Variants in SLC26A9 observed in about 807,000 individuals in gnomAD.
The protein encoded by SLC26A9 is anion transporter/exchanger protein 9.
A neutral mutation model predicts 87.1 loss-of-function variants in SLC26A9; 46 were observed. That is an observed-to-expected ratio of 0.53 (90% CI 0.42 to 0.67). The LOEUF is 0.67. Among genes scored for constraint, SLC26A9 ranks in the 30% least tolerant of loss-of-function variants. The probability of loss-of-function intolerance (pLI) is 0.00; values close to 1 mark genes in which losing one functional copy is unlikely to be tolerated. For synonymous variants in SLC26A9, 437 were observed against 409.1 expected (o/e 1.07, Z -0.82); for missense variants, 927 against 1,018.3 (o/e 0.91, Z 1.22).
At chr1:205,923,233 C>A (rs751891057) in intron 15 of SLC26A9, 38 bp from the exon 16 acceptor site, 3 of 1,611,062 alleles carry the variant, frequency 1.9e-6, no homozygotes, top group Non-Finnish European at 8.5e-7. Flanking sequence ...TGACCTCCAC[C>A]CTCTATGGGA....
chr1:205,920,783 C>T (rs778543681), intron 17 of SLC26A9, among the ~76,000 whole-genome samples: 60 of 152,230 alleles, frequency 3.9e-4, no homozygotes, highest in Admixed American at 1.6e-3. Context: ...CAGGAGTGAG[C>T]CACCACGCCC....
intron 13 of SLC26A9, among the ~76,000 whole-genome samples, 180 bp downstream of exon 13, chr1:205,924,203 G>A (rs1197126458): frequency 6.6e-6 from 1 of 152,180 alleles, no homozygotes; most frequent in East Asian, 1.9e-4. Flanking sequence ...AAGTCAAACA[G>A]CCCAGACTGT....
intron 18 of SLC26A9, 107 bp from the exon 19 acceptor site, chr1:205,919,092 C>G: frequency 7.1e-7 from 1 of 1,411,264 alleles, no homozygotes; most frequent in Non-Finnish European, 9.8e-7. Context: ...GGCCTGAGGT[C>G]CCAGCTCTTG....
In SLC26A9 at chr1:205,936,517, G is replaced by A. The variant is rs370415597; in HGVS notation, c.-18-679C>T. Among the ~76,000 whole-genome samples, 11 of 152,124 alleles carry A rather than the reference G, an allele frequency of 7.2e-5. No individual in the cohort carries two copies. In the East Asian group the frequency reaches 9.7e-4, roughly 13 times the overall value. On this transcript the variant is annotated intron_variant, in intron 1 of 20. Coordinates refer to ENST00000367135, the MANE Select transcript of SLC26A9 (RefSeq NM_052934.4). The stretch of plus-strand genomic sequence containing the variant: ...CGCTCCTCTCCTCCTCACTTTTTGC[G>A]CAACCTGGCTGACGTTCCAGGAGCT...
chr1:205,928,766 C>T (rs773046873), intron 8 of SLC26A9, 61 bp downstream of exon 8: 89 of 1,519,752 alleles, frequency 5.9e-5, no homozygotes, highest in Non-Finnish European at 7.9e-5. Flanking sequence ...CCTCTCCGAG[C>T]TCAGGCCTTA....
chr1:205,936,602 C>A (rs185314356), intron 1 of SLC26A9, among the ~76,000 whole-genome samples: 16 of 152,206 alleles, frequency 1.1e-4, no homozygotes, highest in South Asian at 2.1e-4. Flanking sequence ...CTGTAGGAAC[C>A]TTTCCCCCTC....
chr1:205,943,303 G>T (rs938934060), intron 1 of SLC26A9, 62 bp downstream of exon 1: 2 of 152,242 alleles, frequency 1.3e-5, no homozygotes, highest in Non-Finnish European at 2.9e-5. Context: ...TACCCCTGGT[G>T]ACTGCCCTCT....
chr1:205,917,824 TAA>T (rs1658659008), intron 19 of SLC26A9, among the ~76,000 whole-genome samples: 2 of 152,154 alleles, frequency 1.3e-5, no homozygotes, highest in South Asian at 4.1e-4. Flanking sequence ...AAATTATTTA[TAA>T]GTCTATGACT....
intron 2 of SLC26A9, 77 bp downstream of exon 2, chr1:205,935,619 C>T (rs1366737954): frequency 1.3e-6 from 2 of 1,591,648 alleles, no homozygotes; most frequent in African/African-American, 2.7e-5. Flanking sequence ...GATACCAGTG[C>T]AGAAGCCGTG....
intron 5 of SLC26A9, chr1:205,930,282 C>T (rs1659252717): frequency 5.1e-6 from 2 of 393,672 alleles, no homozygotes; most frequent in South Asian, 1.0e-4. Context: ...GTCACATCAC[C>T]TCTCTGGCTT....
At chr1:205,933,572 T>C (rs1353716505) in intron 2 of SLC26A9, among the ~76,000 whole-genome samples, 2 of 152,212 alleles carry the variant, frequency 1.3e-5, no homozygotes, top group East Asian at 3.8e-4. Context: ...AGCTCTCCTG[T>C]TCATCTTTGT....
At position 205,914,720 on chromosome 1, in the gene SLC26A9, G is replaced by A. The variant is rs1658501235; in HGVS notation, c.*637C>T. 1.3e-6 allele frequency: 1 copy of A among 757,722 alleles called. No individual in the cohort carries two copies. The highest frequency in any genetic ancestry group is 2.9e-5 in the Admixed American group (1 of 34,386). The allele number at this position is 757,722 out of a possible 1,614,324, so 46.9% of individuals were successfully genotyped here. A position where few individuals can be genotyped will look rare whatever the true frequency, so the allele number is the denominator to read the frequency against. On this transcript the variant is annotated 3_prime_UTR_variant, in exon 21 of 21. Transcript: ENST00000367135. Reference sequence around the variant, plus strand: ...GTCCAGGCTAGAGTCTGATGTGCTTGCTGACAGCAGTGGTGGTTTGGGCAG... The same window carrying A: ...GTCCAGGCTAGAGTCTGATGTGCTTACTGACAGCAGTGGTGGTTTGGGCAG...
In SLC26A9 at chr1:205,914,638, C is replaced by T. The variant is rs1020278176; in HGVS notation, c.*719G>A. On this transcript the variant is annotated 3_prime_UTR_variant, in exon 21 of 21. Transcript: ENST00000367135. Reference sequence around the variant, plus strand: ...GATGTTTCAGGAGGCTGAGGCAGAACCTTAGTGGGCTGTCCCCGGGGAGGT... The same window carrying T: ...GATGTTTCAGGAGGCTGAGGCAGAATCTTAGTGGGCTGTCCCCGGGGAGGT... 2.6e-4 allele frequency: 119 copies of T among 449,622 alleles called. No individual in the cohort carries two copies. The highest frequency in any genetic ancestry group is 1.9e-4 in the Admixed American group (5 of 25,856). The allele number at this position is 449,622 out of a possible 1,614,324, so 27.9% of individuals were successfully genotyped here.
chr1:205,935,424 C>T (rs555937654), intron 2 of SLC26A9, among the ~76,000 whole-genome samples: 1 of 152,216 alleles, frequency 6.6e-6, no homozygotes, highest in Non-Finnish European at 1.5e-5. Context: ...CCAGAGAGAC[C>T]CGGGTGAATT....
intron 5 of SLC26A9, chr1:205,930,394 T>C (rs1571748297): frequency 5.4e-6 from 1 of 184,872 alleles, no homozygotes; most frequent in Non-Finnish European, 1.1e-5. Flanking sequence ...TTGAGAGTCA[T>C]CCTCCCTTAC....
intron 1 of SLC26A9, among the ~76,000 whole-genome samples, chr1:205,939,276 A>G (rs1257090886): frequency 6.6e-6 from 1 of 152,172 alleles, no homozygotes; most frequent in Non-Finnish European, 1.5e-5. Flanking sequence ...GGGGCTTCAG[A>G]CCTTCCAGGG....
chr1:205,927,938 C>T lies in SLC26A9; in HGVS notation c.1065G>A (p.Leu355=). ...CCACGTCGTAGCCGTGCTTGTTGGC[C>T]AGGGTCCGGCCCATAGCCAGGTTGA... ...YVINLAMGRT[L]ANKHGYDVDS... The change falls in exon 9 of 21, where the codon CTG becomes CTA. Residue 355 remains leucine (L), a synonymous_variant. Coordinates refer to ENST00000367135, the MANE Select transcript of SLC26A9 (RefSeq NM_052934.4). The T allele has an allele frequency of 6.2e-7, 1 of 1,614,162 alleles. No homozygotes were observed. The highest frequency in any genetic ancestry group is 1.1e-5 in the South Asian group (1 of 91,080).
At chr1:205,928,219 A>G (rs1346005289) in intron 8 of SLC26A9, 170 bp from the exon 9 acceptor site, 2 of 767,886 alleles carry the variant, frequency 2.6e-6, no homozygotes. Context: ...GGTAGGGACC[A>G]TCACTCCTGT....
Position 205,920,232 on chromosome 1 carries a change from T to C in SLC26A9, c.2056-2A>G, listed in dbSNP as rs1337611614. ...GATCTTCCCATAGGTGGAGCTCAGC[T>C]AGAAGTGTTGTTGGGGTAGGGAGGC... On this transcript the variant is annotated splice_acceptor_variant, in intron 17 of 20. Transcript: ENST00000367135. LOFTEE classifies it high-confidence loss of function. 5 of 1,614,018 alleles carry C rather than the reference T, an allele frequency of 3.1e-6. No individual in the cohort carries two copies. The highest frequency in any genetic ancestry group is 3.4e-6 in the Non-Finnish European group (4 of 1,179,876).
Sources: gnomAD v4.1 joint callset for allele counts (sites outside exome capture counted in the v4.1 genomes callset) on GRCh38, gnomAD v4.1.1 for gene constraint, MANE v1.5 for transcripts, NCBI Gene and HGNC (gene_info 2026-07-23, HGNC 2026-07-21) for gene names.